Variants in ADAM12 observed in about 807,000 individuals in gnomAD.
The protein encoded by ADAM12 is disintegrin and metalloproteinase domain-containing protein 12.
Under a neutral mutation model 106.4 loss-of-function variants are expected in ADAM12, and 70 were observed. The observed-to-expected ratio is 0.66, with a 90% CI of 0.54 to 0.80. The LOEUF (loss-of-function observed/expected upper bound fraction) is 0.80. ADAM12 is among the 30% of genes least tolerant of loss of function. ADAM12 has a pLI of 0.00. For missense variants in ADAM12, 1,010 were observed against 1,171.9 expected, an observed-to-expected ratio of 0.86 and a Z score of 2.02; for synonymous variants, 420 against 433.5, an observed-to-expected ratio of 0.97 and a Z score of 0.39.
Position 126,049,612 on chromosome 10 carries a change from T to C in ADAM12, c.1667A>G (p.Tyr556Cys). The change falls in exon 15 of 23, where the codon TAT (tyrosine) becomes TGT (cysteine). Residue 556 changes from tyrosine (Y) to cysteine (C), a missense_variant. This residue lies in a region of ADAM12 where 615 missense variants were observed against 708.5 expected (regional missense o/e 0.87). Transcript: ENST00000448723. The surrounding 1 kb of genome is among the most constrained non-coding windows in gnomAD (Gnocchi z 4.4). The part of the protein sequence containing the change: ...FERVNSAGDP[Y>C]GNCGKVSKSS... ...CTTCGAGACTTTGCCACAGTTGCCA[T>C]AAGGATCACCTGCAGAATTGACTCT... The C allele has an allele frequency of 6.2e-7, 1 of 1,614,110 alleles. No individual in the cohort carries two copies. The highest frequency in any genetic ancestry group is 8.5e-7 in the Non-Finnish European group (1 of 1,180,036).
chr10:126,149,424 G>A (rs1956688922), intron 4 of ADAM12, among the ~76,000 whole-genome samples: 1 of 152,150 alleles, frequency 6.6e-6, no homozygotes, highest in Non-Finnish European at 1.5e-5. Flanking sequence ...TGAGAAAGAA[G>A]GGGAAAAAGT....
intron 3 of ADAM12, among the ~76,000 whole-genome samples, chr10:126,219,271 C>T (rs772515132): frequency 2.0e-5 from 3 of 152,234 alleles, no homozygotes; most frequent in South Asian, 2.1e-4. Flanking sequence ...CTGTTGCAGT[C>T]GTCCTTAGCG....
At chr10:126,379,761 G>C (rs1856426047) in intron 1 of ADAM12, among the ~76,000 whole-genome samples, 1 of 149,786 alleles carries the variant, frequency 6.7e-6, no homozygotes, top group African/African-American at 2.4e-5. Context: ...TTTTTTTAAA[G>C]CAAGACTAGA....
At chr10:126,096,094 A>G (rs1458597795) in intron 10 of ADAM12, among the ~76,000 whole-genome samples, 1 of 152,246 alleles carries the variant, frequency 6.6e-6, no homozygotes, top group African/African-American at 2.4e-5. Context: ...TAGATTTTAG[A>G]GTTTCCTGTT....
rs368900704 is a variant in ADAM12, at chr10:126,012,909, A to G, written c.*4370T>C. The stretch of plus-strand genomic sequence containing the variant: ...TAATCACATGATACTTATTCTTTGG[A>G]GGATTTAAAATGTGCTAAATGGAGG... On this transcript the variant is annotated 3_prime_UTR_variant, in exon 23 of 23. Transcript: ENST00000448723. 1.1e-4 allele frequency: 16 copies of G among 152,168 alleles called. No homozygotes were observed. Among genetic ancestry groups the G allele is most frequent in the African/African-American group, 3.1e-4 (13 of 41,434 alleles). The allele number at this position is 152,168 out of a possible 1,614,324, so 9.4% of individuals were successfully genotyped here.
chr10:126,284,378 T>A (rs952217601), intron 2 of ADAM12, among the ~76,000 whole-genome samples: 2 of 146,250 alleles, frequency 1.4e-5, no homozygotes, highest in Non-Finnish European at 3.0e-5. Flanking sequence ...TTCCACCGTA[T>A]CTGTAGCAGC....
At chr10:126,113,250 C>T (rs1023219659) in intron 6 of ADAM12, among the ~76,000 whole-genome samples, 5 of 151,996 alleles carry the variant, frequency 3.3e-5, no homozygotes, top group Admixed American at 2.6e-4. Flanking sequence ...TGGCGAATGG[C>T]GGACAAGAGT....
Position 126,012,687 on chromosome 10 carries a change from C to T in ADAM12, c.*4592G>A, listed in dbSNP as rs1397071626. ...AACTGCTACACATTCAAAGAACAGGCATTCACTGCAGCCTCCTGATTTGAC... is the reference window on the plus strand; with the variant it reads ...AACTGCTACACATTCAAAGAACAGGTATTCACTGCAGCCTCCTGATTTGAC... On this transcript the variant is annotated 3_prime_UTR_variant, in exon 23 of 23. Coordinates refer to ENST00000448723, the MANE Select transcript of ADAM12 (RefSeq NM_001288973.2). 6.6e-6 allele frequency: 1 copy of T among 152,220 alleles called. No individual in the cohort carries two copies. The allele number at this position is 152,220 out of a possible 1,614,324, so 9.4% of individuals were successfully genotyped here.
chr10:126,234,919 G>A (rs1181444870), intron 3 of ADAM12, among the ~76,000 whole-genome samples: 2 of 152,220 alleles, frequency 1.3e-5, no homozygotes, highest in Non-Finnish European at 2.9e-5. Context: ...AAATCGTAAG[G>A]TGGCATGAAC....
chr10:126,057,800 G>A (rs953774779), intron 14 of ADAM12, among the ~76,000 whole-genome samples: 3 of 152,190 alleles, frequency 2.0e-5, no homozygotes, highest in African/African-American at 4.8e-5. Context: ...TTGTGAAAAC[G>A]GACTGTGGGG....
At chr10:126,253,494 C>T (rs1958826157) in intron 3 of ADAM12, among the ~76,000 whole-genome samples, 1 of 152,250 alleles carries the variant, frequency 6.6e-6, no homozygotes, top group Non-Finnish European at 1.5e-5. Flanking sequence ...GAAATAGCCA[C>T]TAAGCAGCTG....
chr10:126,126,050 G>T (rs1487234647), intron 5 of ADAM12, among the ~76,000 whole-genome samples: 1 of 152,148 alleles, frequency 6.6e-6, no homozygotes, highest in Admixed American at 6.5e-5. Flanking sequence ...AGCAGTGAGA[G>T]ACTAAATTTC....
chr10:126,254,696 AG>A (rs955505402), intron 3 of ADAM12, among the ~76,000 whole-genome samples: 32 of 152,060 alleles, frequency 2.1e-4, no homozygotes, highest in Non-Finnish European at 1.9e-4. Flanking sequence ...GTGAGGACAA[AG>A]GCCACTGACC....
intron 5 of ADAM12, among the ~76,000 whole-genome samples, chr10:126,128,483 C>G (rs1211235452): frequency 6.6e-6 from 1 of 152,250 alleles, no homozygotes; most frequent in Non-Finnish European, 1.5e-5. Flanking sequence ...TAAAGTATGA[C>G]CTACTGCAAC....
intron 2 of ADAM12, among the ~76,000 whole-genome samples, chr10:126,313,534 C>T (rs1961209535): frequency 6.6e-6 from 1 of 152,148 alleles, no homozygotes; most frequent in South Asian, 2.1e-4. Flanking sequence ...TATAAGATGA[C>T]CATATAAAAG....
chr10:126,312,408 C>T (rs1214182727), intron 2 of ADAM12, among the ~76,000 whole-genome samples: 1 of 152,162 alleles, frequency 6.6e-6, no homozygotes, highest in South Asian at 2.1e-4. Flanking sequence ...CCTGGCCGTG[C>T]CTCTGGATGA....
chr10:126,198,366 GGAGAGAGAC>G (rs1957636927), intron 3 of ADAM12, among the ~76,000 whole-genome samples: 12 of 152,366 alleles, frequency 7.9e-5, no homozygotes, highest in Non-Finnish European at 1.0e-4. Flanking sequence ...TACACAACCA[GGAGAGAGAC>G]CAGAAGGGCC....
chr10:126,270,057 A>T (rs1182694558), intron 3 of ADAM12, among the ~76,000 whole-genome samples: 1 of 152,238 alleles, frequency 6.6e-6, no homozygotes, highest in Non-Finnish European at 1.5e-5. Context: ...AATTAAAAAG[A>T]TCTTAAATGT....
chr10:126,021,638 T>C (rs1041127529), intron 21 of ADAM12, among the ~76,000 whole-genome samples: 1 of 133,070 alleles, frequency 7.5e-6, no homozygotes, highest in African/African-American at 2.6e-5. Context: ...GGCCATATAA[T>C]GTGCCCAAGA....
Sources: gnomAD v4.1 joint callset for allele counts (sites outside exome capture counted in the v4.1 genomes callset) on GRCh38, gnomAD v4.1.1 for gene constraint, gnomAD v4.1.1 regional missense constraint, Gnocchi (gnomAD v3.1) non-coding constraint, MANE v1.5 for transcripts, NCBI Gene and HGNC (gene_info 2026-07-23, HGNC 2026-07-21) for gene names.